Variants in METTL16 observed in about 807,000 individuals in gnomAD.
The protein encoded by METTL16 is methyltransferase 16, RNA N6-adenosine.
Under a neutral mutation model 57.9 loss-of-function variants are expected in METTL16, and 19 were observed. The observed-to-expected ratio is 0.33, with a 90% CI of 0.23 to 0.48. The LOEUF (loss-of-function observed/expected upper bound fraction) is 0.48, where lower values mean the gene tolerates loss of function less well. Among genes scored for constraint, METTL16 ranks in the 20% least tolerant of loss-of-function variants. The pLI is 0.99. For synonymous variants in METTL16, 246 were observed against 255.6 expected (o/e 0.96, Z 0.36); for missense variants, 434 against 691.5 (o/e 0.63, Z 4.18).
intron 2 of METTL16, among the ~76,000 whole-genome samples, chr17:2,485,102 T>A (rs551393520): frequency 6.6e-6 from 1 of 152,264 alleles, no homozygotes; most frequent in East Asian, 1.9e-4. Context: ...ACAGCCACTT[T>A]CCATTGCTCA....
At position 2,511,814 on chromosome 17, in the gene METTL16, T is replaced by A. The variant is rs990498925; in HGVS notation, c.-56A>T. 1 of 398,440 alleles carries A rather than the reference T, an allele frequency of 2.5e-6. No homozygotes were observed. The highest frequency in any genetic ancestry group is 4.4e-6 in the Non-Finnish European group (1 of 226,082). The allele number at this position is 398,440 out of a possible 1,614,324, so 24.7% of individuals were successfully genotyped here. On this transcript the variant is annotated 5_prime_UTR_variant, in exon 1 of 10. Coordinates refer to ENST00000263092, the MANE Select transcript of METTL16 (RefSeq NM_024086.4). ...TGTCTGGCGTGGGCCTGTACAACCC[T>A]AGAATCTTAAAGCAGCCGCATAGCG...
At chr17:2,476,060 A>G (rs2067266545) in intron 3 of METTL16, among the ~76,000 whole-genome samples, 1 of 152,250 alleles carries the variant, frequency 6.6e-6, no homozygotes, top group Non-Finnish European at 1.5e-5. Flanking sequence ...TTTAAGAGAC[A>G]AAGTCAACAG....
intron 7 of METTL16, among the ~76,000 whole-genome samples, chr17:2,440,970 CAAAAAA>C (rs760521188): frequency 1.8e-4 from 6 of 34,040 alleles, no homozygotes; most frequent in African/African-American, 3.3e-4. Context: ...GACTTGATCT[CAAAAAA>C]AAAAAAAAAA....
At chr17:2,447,745 G>A (rs1249579700) in intron 6 of METTL16, among the ~76,000 whole-genome samples, 4 of 136,876 alleles carry the variant, frequency 2.9e-5, no homozygotes, top group South Asian at 2.4e-4. Flanking sequence ...CCCAGTCCGG[G>A]AGGGAGGTGG....
chr17:2,499,822 C>A (rs779766616), intron 2 of METTL16, among the ~76,000 whole-genome samples: 1 of 152,088 alleles, frequency 6.6e-6, no homozygotes, highest in Non-Finnish European at 1.5e-5. Flanking sequence ...GGCATGATCT[C>A]GGTTCACTAA....
intron 6 of METTL16, among the ~76,000 whole-genome samples, chr17:2,456,565 C>A (rs116043675): frequency 0.016 from 2,383 of 152,248 alleles, 65 homozygotes; most frequent in African/African-American, 0.054. Context: ...GCCTTGACCT[C>A]CTGGACTTAA....
At chr17:2,492,170 C>T (rs2067401956) in intron 2 of METTL16, among the ~76,000 whole-genome samples, 1 of 152,074 alleles carries the variant, frequency 6.6e-6, no homozygotes, top group African/African-American at 2.4e-5. Context: ...GAGATTGCGC[C>T]ACTGCACTCC....
At chr17:2,459,295 A>G (rs1352926671) in intron 6 of METTL16, among the ~76,000 whole-genome samples, 2 of 152,220 alleles carry the variant, frequency 1.3e-5, no homozygotes, top group African/African-American at 4.8e-5. Context: ...TAGAATGAGG[A>G]TATCTGAGTT....
intron 7 of METTL16, among the ~76,000 whole-genome samples, chr17:2,438,486 T>C (rs1433951710): frequency 2.0e-5 from 3 of 152,162 alleles, no homozygotes; most frequent in Non-Finnish European, 4.4e-5. Flanking sequence ...ATTTGTAATA[T>C]GACTCAAGTG....
intron 3 of METTL16, among the ~76,000 whole-genome samples, chr17:2,476,081 T>C (rs563466376): frequency 6.6e-6 from 1 of 152,174 alleles, no homozygotes; most frequent in Non-Finnish European, 1.5e-5. Context: ...GAAACAGTGA[T>C]AGATATTTTT....
At position 2,424,933 on chromosome 17, in the gene METTL16, G is replaced by T. The variant is rs138691467; in HGVS notation, c.889-4029C>A. 1.4e-3 allele frequency among the ~76,000 whole-genome samples: 208 copies of T among 151,428 alleles called. 1 individual carries two copies. Among genetic ancestry groups the T allele is most frequent in the African/African-American group, 4.9e-3 (200 of 41,236 alleles). On this transcript the variant is annotated intron_variant, in intron 8 of 9. Coordinates refer to ENST00000263092, the MANE Select transcript of METTL16 (RefSeq NM_024086.4). ...ACTGCACTCCAGCCTCGGTGACAGA[G>T]CGAGACTCCGTCTCAAAAAAAAAAA...
intron 6 of METTL16, among the ~76,000 whole-genome samples, chr17:2,454,557 A>G (rs896135923): frequency 1.4e-5 from 2 of 140,434 alleles, no homozygotes; most frequent in African/African-American, 5.5e-5. Context: ...CTATATTATT[A>G]TTATTATTTT....
At position 2,420,180 on chromosome 17, in the gene METTL16, A is replaced by T. The variant is rs1168938096; in HGVS notation, c.1479T>A (p.Ser493=). ...SSNGAQDQEA[S]EQFGSPVAER... is the part of the protein sequence containing the mutation. ...CAGCCACTGGGCTGCCGAACTGCTC[A>T]GAAGCCTCTTGGTCCTGGGCTCCGT... Residue 493 remains serine (S), a synonymous_variant, in exon 10 of 10, where the codon TCT becomes TCA. Coordinates refer to ENST00000263092, the MANE Select transcript of METTL16 (RefSeq NM_024086.4). This position sits in a 1 kb window ranked among gnomAD's most constrained non-coding sequence, Gnocchi z 5.4. 6 of 1,614,108 alleles carry T rather than the reference A, an allele frequency of 3.7e-6. No individual in the cohort carries two copies. Among genetic ancestry groups the T allele is most frequent in the Non-Finnish European group, 5.1e-6 (6 of 1,180,048 alleles).
At chr17:2,435,446 G>A (rs1174582707) in intron 8 of METTL16, among the ~76,000 whole-genome samples, 4 of 152,098 alleles carry the variant, frequency 2.6e-5, no homozygotes, top group African/African-American at 9.7e-5. Flanking sequence ...TGGGGAGAGA[G>A]GTCTAGGAAG....
At position 2,419,740 on chromosome 17, in the gene METTL16, G is replaced by C. The variant is rs1295211691; in HGVS notation, c.*230C>G. The C allele has an allele frequency of 3.0e-5, 21 of 691,046 alleles. No individual in the cohort carries two copies. Among genetic ancestry groups the C allele is most frequent in the Non-Finnish European group, 3.4e-5 (13 of 381,068 alleles). 42.8% of individuals were successfully genotyped at this position (691,046 alleles called of 1,614,324 possible). On this transcript the variant is annotated 3_prime_UTR_variant, in exon 10 of 10. Transcript: ENST00000263092. ...GGGAGTTTACTGAGGGCTTTCTGTT[G>C]TTACTGATGACCACAATTCCTCCTT...
At chr17:2,455,606 A>G (rs2067104356) in intron 6 of METTL16, among the ~76,000 whole-genome samples, 2 of 152,186 alleles carry the variant, frequency 1.3e-5, no homozygotes, top group South Asian at 2.1e-4. Flanking sequence ...CAAGGCTGCC[A>G]TATCAATCCT....
intron 3 of METTL16, 188 bp downstream of exon 3, chr17:2,477,498 A>G (rs2067276581): frequency 3.4e-6 from 2 of 589,262 alleles, no homozygotes; most frequent in South Asian, 4.1e-5. Context: ...CCTTTGAGCA[A>G]CACATCAGTG....
At position 2,511,853 on chromosome 17, in the gene METTL16, CG is replaced by C. The variant is rs1344281898; in HGVS notation, c.-96del. ...AGCCGCATAGCGAAGCTCCTAGAAACGCAGATGATACGCTCCCAGCGCGCCG... is the reference window on the plus strand; with the variant it reads ...AGCCGCATAGCGAAGCTCCTAGAAACCAGATGATACGCTCCCAGCGCGCCG... On this transcript the variant is annotated 5_prime_UTR_variant, in exon 1 of 10. It removes the in-frame stop codon of an upstream open reading frame in the 5' UTR. Coordinates refer to ENST00000263092, the MANE Select transcript of METTL16 (RefSeq NM_024086.4). 1 of 398,494 alleles carries C rather than the reference CG, an allele frequency of 2.5e-6. No individual in the cohort carries two copies. The highest frequency in any genetic ancestry group is 4.4e-6 in the Non-Finnish European group (1 of 226,124). The allele number at this position is 398,494 out of a possible 1,614,324, so 24.7% of individuals were successfully genotyped here. A position where few individuals can be genotyped will look rare whatever the true frequency, so the allele number is the denominator to read the frequency against.
intron 8 of METTL16, chr17:2,436,871 CTT>C (rs543406197): frequency 6.1e-4 from 79 of 129,664 alleles, no homozygotes; most frequent in East Asian, 6.3e-4. Flanking sequence ...GTGAACAAAC[CTT>C]TTTTTTTTTT....
Sources: gnomAD v4.1 joint callset for allele counts (sites outside exome capture counted in the v4.1 genomes callset) on GRCh38, gnomAD v4.1.1 for gene constraint, Gnocchi (gnomAD v3.1) non-coding constraint, MANE v1.5 for transcripts, NCBI Gene and HGNC (gene_info 2026-07-23, HGNC 2026-07-21) for gene names.